UBASH3B: variants seen among roughly 807,000 people sequenced by gnomAD.
UBASH3B encodes the protein ubiquitin-associated and SH3 domain-containing protein B.
In UBASH3B, 37 loss-of-function variants were observed where a neutral mutation model predicts 83.4. The observed-to-expected ratio is 0.44, with a 90% CI of 0.34 to 0.58. UBASH3B has a LOEUF of 0.58. UBASH3B is among the 20% of genes least tolerant of loss of function. The probability of loss-of-function intolerance (pLI) is 0.01; values close to 1 mark genes in which losing one functional copy is unlikely to be tolerated. For missense variants in UBASH3B, 657 were observed against 827.2 expected (o/e 0.79, Z 2.52); for synonymous variants, 304 against 318.3 (o/e 0.96, Z 0.48).
chr11:122,752,188 C>A (rs1226422735), intron 1 of UBASH3B, among the ~76,000 whole-genome samples: 7 of 152,142 alleles, frequency 4.6e-5, no homozygotes, highest in South Asian at 4.1e-4. Flanking sequence ...AACCCCAGGC[C>A]TTCAGGGTCA....
At chr11:122,777,919 G>A (rs1475261472) in intron 3 of UBASH3B, among the ~76,000 whole-genome samples, 7 of 151,444 alleles carry the variant, frequency 4.6e-5, no homozygotes, top group Non-Finnish European at 8.8e-5. Context: ...TAGTAGAGAC[G>A]GGGTTTCACC....
At chr11:122,676,447 G>A (rs1591764232) in intron 1 of UBASH3B, among the ~76,000 whole-genome samples, 2 of 152,160 alleles carry the variant, frequency 1.3e-5, no homozygotes, top group East Asian at 3.9e-4. Flanking sequence ...GCTAAGGCAG[G>A]AGAATCGCTT....
At chr11:122,771,401 C>T (rs774280495) in intron 1 of UBASH3B, among the ~76,000 whole-genome samples, 3 of 151,964 alleles carry the variant, frequency 2.0e-5, no homozygotes, top group East Asian at 3.9e-4. Flanking sequence ...CCACCACGCC[C>T]GGCTAATTTT....
chr11:122,660,392 C>A (rs879603365), intron 1 of UBASH3B, among the ~76,000 whole-genome samples: 1 of 152,180 alleles, frequency 6.6e-6, no homozygotes, highest in South Asian at 2.1e-4. Flanking sequence ...CCCACTAGCA[C>A]TTCCCTGTTT....
At chr11:122,781,447 G>A (rs527922997) in intron 4 of UBASH3B, among the ~76,000 whole-genome samples, 28 of 152,318 alleles carry the variant, frequency 1.8e-4, no homozygotes, top group Admixed American at 1.2e-3. Context: ...GCCTCAGCCA[G>A]GGCCGCACAG....
chr11:122,786,198 T>C (rs866144159), intron 5 of UBASH3B, among the ~76,000 whole-genome samples: 1 of 151,944 alleles, frequency 6.6e-6, no homozygotes. Context: ...TACAGGCACC[T>C]GCCACCACGC....
At chr11:122,679,430 C>T (rs1277482685) in intron 1 of UBASH3B, among the ~76,000 whole-genome samples, 1 of 152,204 alleles carries the variant, frequency 6.6e-6, no homozygotes, top group African/African-American at 2.4e-5. Flanking sequence ...CCTCGCCACT[C>T]AAAATGTGGT....
rs1439073827 is a variant in UBASH3B at position 122,811,383 on chromosome 11, A to G, written c.*1497A>G. On this transcript the variant is annotated 3_prime_UTR_variant, in exon 14 of 14. Transcript: ENST00000284273. ...CAGATGCATAAAACGTAAGGTATAT[A>G]AAAATACATCTATGCTTGCGTTTGA... 2.0e-5 allele frequency: 3 copies of G among 152,430 alleles called. No homozygotes were observed. The highest frequency in any genetic ancestry group is 4.4e-5 in the Non-Finnish European group (3 of 68,038). The allele number at this position is 152,430 out of a possible 1,614,324, so 9.4% of individuals were successfully genotyped here.
At chr11:122,717,590 G>A (rs1490195958) in intron 1 of UBASH3B, among the ~76,000 whole-genome samples, 1 of 152,184 alleles carries the variant, frequency 6.6e-6, no homozygotes, top group African/African-American at 2.4e-5. Flanking sequence ...GCTATAATTA[G>A]TTTCTCTGGT....
rs1262112571 is a variant in UBASH3B, at chr11:122,812,682, C to A, written c.*2796C>A. The stretch of plus-strand genomic sequence containing the variant: ...TGGGATTGAAAGCCTGAAAGCATTT[C>A]CTGCTTCTACAAGTGTGCCACATCA... On this transcript the variant is annotated 3_prime_UTR_variant, in exon 14 of 14. Coordinates refer to ENST00000284273, the MANE Select transcript of UBASH3B (RefSeq NM_032873.5). 6.6e-6 allele frequency: 1 copy of A among 152,336 alleles called. No individual in the cohort carries two copies. The highest frequency in any genetic ancestry group is 1.9e-4 in the East Asian group (1 of 5,190). The allele number at this position is 152,336 out of a possible 1,614,324, so 9.4% of individuals were successfully genotyped here. A position where few individuals can be genotyped will look rare whatever the true frequency, so the allele number is the denominator to read the frequency against.
At chr11:122,675,577 C>G (rs1395222081) in intron 1 of UBASH3B, among the ~76,000 whole-genome samples, 1 of 152,190 alleles carries the variant, frequency 6.6e-6, no homozygotes, top group African/African-American at 2.4e-5. Context: ...CTGTTCTGTC[C>G]TGTGACTTTG....
At chr11:122,668,945 A>G (rs940578482) in intron 1 of UBASH3B, among the ~76,000 whole-genome samples, 7 of 152,204 alleles carry the variant, frequency 4.6e-5, no homozygotes, top group Non-Finnish European at 8.8e-5. Context: ...TCACTCGAGA[A>G]GCCATCTCCA....
At chr11:122,674,379 C>CTTTTTTTTTTTTTTTTTTTTTTTTTTT (rs35529594) in intron 1 of UBASH3B, among the ~76,000 whole-genome samples, 1 of 133,212 alleles carries the variant, frequency 7.5e-6, no homozygotes, top group African/African-American at 2.8e-5. Flanking sequence ...CATTGTCTGT[C>CTTTTTTTTTTTTTTTTTTTTTTTTTTT]TTTTTTTTTT....
intron 1 of UBASH3B, among the ~76,000 whole-genome samples, chr11:122,682,592 G>A (rs1172762296): frequency 6.6e-6 from 1 of 152,056 alleles, no homozygotes; most frequent in African/African-American, 2.4e-5. Flanking sequence ...CTTTCTAACC[G>A]AGAGCTTCTT....
rs1315282224 is a variant in UBASH3B, at chr11:122,810,145, G to A, written c.*259G>A. The A allele has an allele frequency of 1.2e-5, 5 of 400,976 alleles. No individual in the cohort carries two copies. The Admixed American group carries it at 1.6e-4, about 13-fold the overall frequency. The allele number at this position is 400,976 out of a possible 1,614,324, so 24.8% of individuals were successfully genotyped here. On this transcript the variant is annotated 3_prime_UTR_variant, in exon 14 of 14. Coordinates refer to ENST00000284273, the MANE Select transcript of UBASH3B (RefSeq NM_032873.5). Reference sequence around the variant, plus strand: ...ATTGTCTTCCTAAATCGGGGCACCTGCTACAGAAGAGAATGTTTCGTTCCC... The same window carrying A: ...ATTGTCTTCCTAAATCGGGGCACCTACTACAGAAGAGAATGTTTCGTTCCC...
At chr11:122,727,712 C>G (rs1258650680) in intron 1 of UBASH3B, 1 of 152,288 alleles carries the variant, frequency 6.6e-6, no homozygotes, top group East Asian at 1.9e-4. Flanking sequence ...GTGTGTTTAT[C>G]TGGTTTCTTA....
chr11:122,765,850 C>T (rs886162026), intron 1 of UBASH3B, among the ~76,000 whole-genome samples: 3 of 152,204 alleles, frequency 2.0e-5, no homozygotes, highest in African/African-American at 7.2e-5. Context: ...TTCACCCTCC[C>T]TTTACACAGC....
At chr11:122,683,605 A>C (rs796243058) in intron 1 of UBASH3B, among the ~76,000 whole-genome samples, 24 of 20,580 alleles carry the variant, frequency 1.2e-3, no homozygotes, top group African/African-American at 2.2e-3. Flanking sequence ...ACTCCTTCTC[A>C]AAAAAAAAAA....
At chr11:122,660,235 C>T (rs374649751) in intron 1 of UBASH3B, among the ~76,000 whole-genome samples, 2 of 152,082 alleles carry the variant, frequency 1.3e-5, no homozygotes, top group South Asian at 4.2e-4. Flanking sequence ...GGAGAATTTG[C>T]CTCATGGAGG....
Sources: gnomAD v4.1 joint callset for allele counts (sites outside exome capture counted in the v4.1 genomes callset) on GRCh38, gnomAD v4.1.1 for gene constraint, MANE v1.5 for transcripts, NCBI Gene and HGNC (gene_info 2026-07-23, HGNC 2026-07-21) for gene names.